SYT14: variants seen among roughly 807,000 people sequenced by gnomAD.
SYT14 encodes synaptotagmin 14, also known as synaptotagmin-14.
SYT14 carries 32 observed loss-of-function variants against 74.2 expected under a neutral mutation model. That is an observed-to-expected ratio of 0.43 (90% CI 0.33 to 0.58). SYT14 has a LOEUF of 0.58. SYT14 is among the 20% of genes least tolerant of loss of function. The pLI is 0.05. For missense variants in SYT14, 791 were observed against 981.8 expected (o/e 0.81, Z 2.60); for synonymous variants, 298 against 337.7 (o/e 0.88, Z 1.29).
At chr1:210,086,754 A>G (rs1212763734) in intron 5 of SYT14, among the ~76,000 whole-genome samples, 1 of 152,218 alleles carries the variant, frequency 6.6e-6, no homozygotes, top group African/African-American at 2.4e-5. Flanking sequence ...GTGCAAATAT[A>G]TGCACACATA....
intron 7 of SYT14, among the ~76,000 whole-genome samples, chr1:210,115,371 C>G (rs1027952724): frequency 6.6e-6 from 1 of 150,948 alleles, no homozygotes. Context: ...GGTGCTTGCC[C>G]CCCAGGAAAG....
At chr1:210,145,393 A>G (rs2083010451) in intron 7 of SYT14, among the ~76,000 whole-genome samples, 1 of 152,096 alleles carries the variant, frequency 6.6e-6, no homozygotes, top group African/African-American at 2.4e-5. Flanking sequence ...TGCTTCCATT[A>G]CTTGTAGAGT....
At chr1:210,079,088 T>C (rs1164254293) in intron 5 of SYT14, among the ~76,000 whole-genome samples, 1 of 152,088 alleles carries the variant, frequency 6.6e-6, no homozygotes, top group African/African-American at 2.4e-5. Flanking sequence ...ATTGTAACAA[T>C]TTTTTAATCA....
chr1:210,034,014 T>A (rs1440749779), intron 5 of SYT14, among the ~76,000 whole-genome samples: 1 of 151,850 alleles, frequency 6.6e-6, no homozygotes, highest in African/African-American at 2.4e-5. Flanking sequence ...TTTAGTACAC[T>A]AATAAAAAGT....
chr1:209,998,155 C>T (rs1430680292), intron 2 of SYT14, among the ~76,000 whole-genome samples: 2 of 151,736 alleles, frequency 1.3e-5, no homozygotes, highest in African/African-American at 4.8e-5. Flanking sequence ...TATTTCTATA[C>T]ACCAATAATG....
chr1:210,165,636 AATTT>A (rs2083447938), exon 10 of SYT14: 1 of 152,100 alleles, frequency 6.6e-6, no homozygotes, highest in Non-Finnish European at 1.5e-5. Context: ...CTCTCATTGC[AATTT>A]ATTTATGTTT....
chr1:210,138,813 G>A (rs1485191203), intron 7 of SYT14, among the ~76,000 whole-genome samples: 3 of 152,172 alleles, frequency 2.0e-5, no homozygotes, highest in South Asian at 4.1e-4. Context: ...TTCTTGGTCA[G>A]TTCAATGAAT....
chr1:210,067,960 C>G (rs2081327202), intron 5 of SYT14, among the ~76,000 whole-genome samples: 1 of 151,766 alleles, frequency 6.6e-6, no homozygotes. Flanking sequence ...AATAATTTAC[C>G]TCTAGCTCTG....
At chr1:210,061,106 T>C (rs1269407355) in intron 5 of SYT14, among the ~76,000 whole-genome samples, 2 of 152,016 alleles carry the variant, frequency 1.3e-5, no homozygotes, top group African/African-American at 4.8e-5. Context: ...TTTTTTTCAT[T>C]ATCTCAGATA....
intron 5 of SYT14, among the ~76,000 whole-genome samples, chr1:210,022,313 A>G (rs2080320569): frequency 6.6e-6 from 1 of 152,218 alleles, no homozygotes; most frequent in East Asian, 1.9e-4. Context: ...ATAATAATAA[A>G]TTAATCAAAT....
At chr1:210,034,400 T>A (rs2080609969) in intron 5 of SYT14, among the ~76,000 whole-genome samples, 1 of 151,692 alleles carries the variant, frequency 6.6e-6, no homozygotes, top group African/African-American at 2.4e-5. Context: ...TACATGTTCA[T>A]TATAGAAAAA....
intron 2 of SYT14, among the ~76,000 whole-genome samples, chr1:209,982,223 A>G (rs926001011): frequency 1.3e-5 from 2 of 152,050 alleles, no homozygotes; most frequent in Admixed American, 1.3e-4. Context: ...TGGCGCCATC[A>G]CAGCTCACTG....
At chr1:210,015,039 A>G (rs962111939) in intron 3 of SYT14, among the ~76,000 whole-genome samples, 7 of 150,510 alleles carry the variant, frequency 4.7e-5, no homozygotes, top group Non-Finnish European at 8.8e-5. Flanking sequence ...ATTTTTTTAA[A>G]AAAACAAGAC....
At chr1:210,134,715 C>T (rs1001392024) in intron 7 of SYT14, among the ~76,000 whole-genome samples, 3 of 152,134 alleles carry the variant, frequency 2.0e-5, no homozygotes, top group Admixed American at 2.0e-4. Context: ...AATCATTTTA[C>T]AGTACCACTG....
At chr1:209,978,859 C>A (rs534721416) in intron 2 of SYT14, among the ~76,000 whole-genome samples, 1 of 152,218 alleles carries the variant, frequency 6.6e-6, no homozygotes, top group Non-Finnish European at 1.5e-5. Flanking sequence ...CCACCCAGTT[C>A]GAGCTTCCAG....
intron 5 of SYT14, among the ~76,000 whole-genome samples, chr1:210,034,830 A>G (rs1021311967): frequency 1.5e-4 from 23 of 151,848 alleles, no homozygotes; most frequent in Admixed American, 2.6e-4. Flanking sequence ...GCTGAGTAGT[A>G]TTCCCTGGTA....
At chr1:210,063,762 C>G (rs2081247536) in intron 5 of SYT14, among the ~76,000 whole-genome samples, 1 of 151,502 alleles carries the variant, frequency 6.6e-6, no homozygotes. Flanking sequence ...ATCACTTATT[C>G]TTTTTTATTG....
At chr1:210,112,924 G>C (rs12409047) in intron 7 of SYT14, among the ~76,000 whole-genome samples, 7,433 of 151,396 alleles carry the variant, frequency 0.049, 1,047 homozygotes, top group East Asian at 0.41. Context: ...GTGGTGGAAG[G>C]GGGCAGAAAG....
chr1:209,974,241 T>G (rs1390719889), intron 2 of SYT14, among the ~76,000 whole-genome samples: 1 of 152,188 alleles, frequency 6.6e-6, no homozygotes, highest in Non-Finnish European at 1.5e-5. Context: ...CAATTTTGGC[T>G]TTTGTTACCA....
Sources: allele counts gnomAD v4.1 joint callset (sites outside exome capture counted in the v4.1 genomes callset), GRCh38; gene constraint gnomAD v4.1.1; transcripts MANE v1.5; gene names NCBI Gene and HGNC (gene_info 2026-07-23, HGNC 2026-07-21).